Variants in DPYSL3 observed in about 807,000 individuals in gnomAD.
The protein encoded by DPYSL3 is dihydropyrimidinase like 3, also known as dihydropyrimidinase-related protein 3.
A neutral mutation model predicts 66.1 loss-of-function variants in DPYSL3; 16 were observed. The observed-to-expected ratio is 0.24, with a 90% CI of 0.16 to 0.37. DPYSL3 has a LOEUF of 0.37. Ranked by LOEUF, DPYSL3 falls within the 10% of genes least tolerant of loss-of-function variation. The pLI is 1.00. For synonymous variants in DPYSL3, 338 were observed against 345.1 expected (o/e 0.98, Z 0.23); for missense variants, 738 against 916.2 (o/e 0.81, Z 2.51).
intron 1 of DPYSL3, among the ~76,000 whole-genome samples, chr5:147,496,487 T>C (rs1192062221): frequency 2.0e-5 from 3 of 151,810 alleles, no homozygotes; most frequent in East Asian, 1.9e-4. Context: ...AGAAAATTTT[T>C]GCAACCTACT....
In DPYSL3 at chr5:147,391,986, CAG is replaced by C. The variant is rs1294725218; in HGVS notation, c.*2047_*2048del. ...ACTCAGGGGCTGAGTAACAGCAGAG[CAG>C]AGAGTGCAGAAGTGGACGCTCAGAA... On this transcript the variant is annotated 3_prime_UTR_variant, in exon 14 of 14. Transcript: ENST00000343218. The C allele has an allele frequency of 6.6e-6, 1 of 152,200 alleles. No individual in the cohort carries two copies. Among genetic ancestry groups the C allele is most frequent in the Non-Finnish European group, 1.5e-5 (1 of 68,058 alleles). The allele number at this position is 152,200 out of a possible 1,614,324, so 9.4% of individuals were successfully genotyped here.
chr5:147,488,045 T>C (rs1753362181), intron 1 of DPYSL3, among the ~76,000 whole-genome samples: 1 of 152,244 alleles, frequency 6.6e-6, no homozygotes, highest in Non-Finnish European at 1.5e-5. Context: ...CCTTCTCACT[T>C]AATATCCGTT....
chr5:147,448,102 T>A (rs1208902780), intron 1 of DPYSL3, among the ~76,000 whole-genome samples: 1 of 152,106 alleles, frequency 6.6e-6, no homozygotes, highest in Admixed American at 6.5e-5. Context: ...TTCTTTTGGT[T>A]GTTGTTCTTT....
chr5:147,467,573 C>T (rs1021528705), intron 1 of DPYSL3, among the ~76,000 whole-genome samples: 2 of 152,158 alleles, frequency 1.3e-5, no homozygotes, highest in Non-Finnish European at 2.9e-5. Flanking sequence ...TCCAAAAAGG[C>T]ATACACAATT....
intron 1 of DPYSL3, among the ~76,000 whole-genome samples, chr5:147,486,837 G>A (rs1753336172): frequency 6.6e-6 from 1 of 152,112 alleles, no homozygotes; most frequent in Admixed American, 6.6e-5. Context: ...TTTCCTGAAT[G>A]GTAAGCATAC....
chr5:147,418,571 C>G lies in DPYSL3; in HGVS notation c.531G>C (p.Lys177Asn), dbSNP rs1405913183. Residue 177 changes from lysine (K) to asparagine (N), a missense_variant, in exon 3 of 14, where the codon AAG becomes AAC. Coordinates refer to ENST00000343218, the MANE Select transcript of DPYSL3 (RefSeq NM_001197294.2). ...GGVKTIEANG[K>N]MVIPGGIDVH... ...CATCGATGCCTCCAGGGATCACCAT[C>G]TTCCCATTGGCTTCAATGGTCTTCA... is the stretch of plus-strand genomic sequence containing the variant. 1.2e-6 allele frequency: 2 copies of G among 1,612,512 alleles called. No homozygotes were observed. The highest frequency in any genetic ancestry group is 1.7e-6 in the Non-Finnish European group (2 of 1,179,122).
At chr5:147,472,602 A>T (rs1486375275) in intron 1 of DPYSL3, 12 of 152,154 alleles carry the variant, frequency 7.9e-5, no homozygotes, top group Admixed American at 5.9e-4. Context: ...TTACAAATTT[A>T]TCCAGGGCTG....
At position 147,391,711 on chromosome 5, in the gene DPYSL3, T is replaced by C. The variant is rs1757808928; in HGVS notation, c.*2324A>G. 6.6e-6 allele frequency: 1 copy of C among 152,206 alleles called. No homozygotes were observed. Among genetic ancestry groups the C allele is most frequent in the African/African-American group, 2.4e-5 (1 of 41,454 alleles). 9.4% of individuals were successfully genotyped at this position (152,206 alleles called of 1,614,324 possible). On this transcript the variant is annotated 3_prime_UTR_variant, in exon 14 of 14. Transcript: ENST00000343218. The stretch of plus-strand genomic sequence containing the variant: ...AATTTTAAAATAGTGGGAGTTATTC[T>C]CGCAATTCCCAGGGATTTCTATGCT...
intron 1 of DPYSL3, among the ~76,000 whole-genome samples, chr5:147,499,999 AT>A (rs1358559430): frequency 2.0e-5 from 3 of 152,210 alleles, no homozygotes; most frequent in Non-Finnish European, 4.4e-5. Flanking sequence ...GCAAAAAAAA[AT>A]CATAACACGG....
intron 1 of DPYSL3, among the ~76,000 whole-genome samples, chr5:147,440,371 G>T (rs938014064): frequency 2.0e-5 from 3 of 152,140 alleles, no homozygotes; most frequent in African/African-American, 7.2e-5. Flanking sequence ...TATTCTTTTG[G>T]ATTGATTGCA....
intron 1 of DPYSL3, among the ~76,000 whole-genome samples, chr5:147,474,810 A>G (rs939419765): frequency 1.3e-5 from 2 of 152,130 alleles, no homozygotes; most frequent in African/African-American, 4.8e-5. Flanking sequence ...CAATTCACCA[A>G]TTTAAAGTAT....
chr5:147,470,162 T>C (rs1019538012), intron 1 of DPYSL3, among the ~76,000 whole-genome samples: 4 of 152,156 alleles, frequency 2.6e-5, no homozygotes, highest in African/African-American at 9.7e-5. Flanking sequence ...GAGGTGTCCA[T>C]TGAGGCAGCC....
chr5:147,429,245 A>G (rs112429436), intron 1 of DPYSL3, among the ~76,000 whole-genome samples: 1,695 of 152,288 alleles, frequency 0.011, 34 homozygotes, highest in African/African-American at 0.039. Context: ...TAGGCCCTGC[A>G]CAGCTACCAA....
chr5:147,486,967 A>G (rs1416589793), intron 1 of DPYSL3, among the ~76,000 whole-genome samples: 1 of 152,162 alleles, frequency 6.6e-6, no homozygotes, highest in Non-Finnish European at 1.5e-5. Flanking sequence ...ATTTGTTGAC[A>G]TGTTTTAAGG....
chr5:147,436,113 A>G (rs550211967), intron 1 of DPYSL3, among the ~76,000 whole-genome samples: 1 of 152,304 alleles, frequency 6.6e-6, no homozygotes, highest in South Asian at 2.1e-4. Flanking sequence ...GTGCCCTAAG[A>G]GCTAAATGCA....
Position 147,413,656 on chromosome 5 carries a change from C to T in DPYSL3, c.822G>A (p.Gly274=), listed in dbSNP as rs774059481. Residue 274 remains glycine (G), a splice_region_variant and synonymous_variant, in exon 5 of 14, where the codon GGG becomes GGA. Transcript: ENST00000343218. ...CCATATAAACCATGAAGGAGTTAAC[C>T]CCTGCAAAAGAGGGACAGGAGGAAA... ...QEVQNLIKDK[G]VNSFMVYMAY... 2.5e-6 allele frequency: 4 copies of T among 1,611,434 alleles called. No homozygotes were observed. The highest frequency in any genetic ancestry group is 3.4e-6 in the Non-Finnish European group (4 of 1,178,186).
chr5:147,400,944 G>A, intron 9 of DPYSL3, 111 bp from the exon 10 acceptor site: 1 of 1,378,656 alleles, frequency 7.3e-7, no homozygotes, highest in Non-Finnish European at 9.7e-7. Context: ...TTTGGGTTTG[G>A]AATGCCTCCT....
At chr5:147,496,093 C>A (rs1753503710) in intron 1 of DPYSL3, among the ~76,000 whole-genome samples, 1 of 152,070 alleles carries the variant, frequency 6.6e-6, no homozygotes, top group African/African-American at 2.4e-5. Flanking sequence ...GAAATAATGC[C>A]ACATATCTAC....
chr5:147,479,613 C>T (rs955662431), intron 1 of DPYSL3, among the ~76,000 whole-genome samples: 1 of 152,176 alleles, frequency 6.6e-6, no homozygotes, highest in Non-Finnish European at 1.5e-5. Flanking sequence ...TCTTATCTAT[C>T]AACACCATTC....
Sources: gnomAD v4.1 joint callset for allele counts (sites outside exome capture counted in the v4.1 genomes callset) on GRCh38, gnomAD v4.1.1 for gene constraint, MANE v1.5 for transcripts, NCBI Gene and HGNC (gene_info 2026-07-23, HGNC 2026-07-21) for gene names.